KCNH8: variants seen among roughly 807,000 people sequenced by gnomAD.
KCNH8 encodes the protein voltage-gated delayed rectifier potassium channel KCNH8.
KCNH8 carries 70 observed loss-of-function variants against 103.6 expected under a neutral mutation model. The ratio of observed to expected loss-of-function variants is 0.68; its 90% confidence interval spans 0.56 to 0.82. KCNH8 has a LOEUF of 0.82. Ranked by LOEUF, KCNH8 falls within the 40% of genes least tolerant of loss-of-function variation. The pLI, the probability that KCNH8 is intolerant of heterozygous loss-of-function variation, is 0.00. For missense variants in KCNH8, 1,217 were observed against 1,329.9 expected, an observed-to-expected ratio of 0.92 and a Z score of 1.32; for synonymous variants, 498 against 489.4, an observed-to-expected ratio of 1.02 and a Z score of -0.23.
intron 11 of KCNH8, among the ~76,000 whole-genome samples, chr3:19,473,755 T>C (rs995808211): frequency 2.0e-5 from 3 of 152,224 alleles, no homozygotes; most frequent in East Asian, 1.9e-4. Flanking sequence ...GAGAACTTCT[T>C]GTATACACAC....
intron 11 of KCNH8, among the ~76,000 whole-genome samples, chr3:19,464,379 A>G (rs1036569422): frequency 1.1e-4 from 16 of 152,146 alleles, no homozygotes; most frequent in Non-Finnish European, 2.9e-5. Flanking sequence ...TGAGATACTT[A>G]AAACTCAATT....
intron 1 of KCNH8, among the ~76,000 whole-genome samples, chr3:19,170,006 T>G (rs2063325709): frequency 6.6e-6 from 1 of 152,224 alleles, no homozygotes; most frequent in African/African-American, 2.4e-5. Flanking sequence ...GAAGGAATCA[T>G]GTATGTTCCC....
intron 2 of KCNH8, among the ~76,000 whole-genome samples, chr3:19,257,957 A>G (rs1449512878): frequency 6.6e-6 from 1 of 151,994 alleles, no homozygotes; most frequent in Non-Finnish European, 1.5e-5. Flanking sequence ...CTTGGCCTGT[A>G]GAGTGTCACC....
chr3:19,195,116 A>G (rs775130676), intron 1 of KCNH8, among the ~76,000 whole-genome samples: 13 of 151,838 alleles, frequency 8.6e-5, no homozygotes, highest in Admixed American at 1.3e-4. Context: ...ACCCTCAGCT[A>G]TAGTATAGGA....
chr3:19,191,652 C>T (rs2063554509), intron 1 of KCNH8, among the ~76,000 whole-genome samples: 1 of 151,708 alleles, frequency 6.6e-6, no homozygotes, highest in Non-Finnish European at 1.5e-5. Context: ...CTAATCAATA[C>T]ACCTTTTAAC....
intron 11 of KCNH8, among the ~76,000 whole-genome samples, chr3:19,502,625 T>C (rs2068610311): frequency 6.6e-6 from 1 of 152,028 alleles, no homozygotes; most frequent in Admixed American, 6.6e-5. Context: ...TAACGCCACA[T>C]ATCTACAACT....
At chr3:19,151,335 G>A (rs986053957) in intron 1 of KCNH8, among the ~76,000 whole-genome samples, 1 of 152,056 alleles carries the variant, frequency 6.6e-6, no homozygotes, top group African/African-American at 2.4e-5. Flanking sequence ...TTGCTGGAAA[G>A]TGAATAATGT....
chr3:19,477,264 C>T (rs2067996025), intron 11 of KCNH8, among the ~76,000 whole-genome samples: 1 of 152,064 alleles, frequency 6.6e-6, no homozygotes, highest in Admixed American at 6.6e-5. Flanking sequence ...TGTAAAATAT[C>T]ATAATGCTCC....
At chr3:19,500,593 A>G (rs575761774) in intron 11 of KCNH8, among the ~76,000 whole-genome samples, 1 of 152,360 alleles carries the variant, frequency 6.6e-6, no homozygotes, top group Admixed American at 6.5e-5. Flanking sequence ...CTCAGACCAT[A>G]GTGCAATCAA....
chr3:19,496,480 C>T (rs543518232), intron 11 of KCNH8, among the ~76,000 whole-genome samples: 26 of 151,948 alleles, frequency 1.7e-4, no homozygotes, highest in Non-Finnish European at 3.4e-4. Flanking sequence ...GTTCTCTTTA[C>T]GTGATGAATC....
At chr3:19,196,119 A>G (rs1447524404) in intron 1 of KCNH8, among the ~76,000 whole-genome samples, 1 of 152,028 alleles carries the variant, frequency 6.6e-6, no homozygotes, top group Non-Finnish European at 1.5e-5. Context: ...GGCCAGGCTG[A>G]CATTTCTTTT....
rs2066148349 is a variant in KCNH8, at chr3:19,373,984, C to T, written c.812-16497C>T. 2.6e-5 allele frequency among the ~76,000 whole-genome samples: 4 copies of T among 152,182 alleles called. No individual in the cohort carries two copies. In the South Asian group the frequency reaches 6.2e-4, roughly 24 times the overall value. ...CTGTGGTCTGAGAGATAGTTTGTTA[C>T]AGTCTCTGTTCTTTTACATTTGCTG... On this transcript the variant is annotated intron_variant, in intron 5 of 15. Coordinates refer to ENST00000328405, the MANE Select transcript of KCNH8 (RefSeq NM_144633.3).
rs2067443065 is a variant in KCNH8, at chr3:19,451,245, AGCCGGGGCT to A, written c.1670_1678del (p.Arg557_Cys559del). The A allele has an allele frequency of 6.2e-7, 1 of 1,613,838 alleles. No homozygotes were observed. Among genetic ancestry groups the A allele is most frequent in the South Asian group, 1.1e-5 (1 of 91,090 alleles). The stretch of plus-strand genomic sequence containing the variant: ...ACAGTTGTCCCTTTTTGAATGTGCC[AGCCGGGGCT>A]GCCTCAGGTCTCTGTCTCTACACAT... On this transcript the variant is annotated inframe_deletion, in exon 10 of 16. Transcript: ENST00000328405.
Position 19,258,927 on chromosome 3 carries a change from CTCTCTCTCTCTCTCTCTCTCTA to C in KCNH8, c.310+5042_310+5063del, listed in dbSNP as rs1167375598. On this transcript the variant is annotated intron_variant, in intron 2 of 15. Transcript: ENST00000328405. ...TGTTTCTCTCTCTCTCTCTCTCTCT[CTCTCTCTCTCTCTCTCTCTCTA>C]TATATATATATATATATATATATAT... 2.8e-3 allele frequency among the ~76,000 whole-genome samples: 225 copies of C among 81,146 alleles called. 1 individual carries two copies. The highest frequency in any genetic ancestry group is 0.01 in the African/African-American group (208 of 20,398). 53.2% of individuals were successfully genotyped at this position (81,146 alleles called of 152,430 possible). A position where few individuals can be genotyped will look rare whatever the true frequency, so the allele number is the denominator to read the frequency against.
chr3:19,373,350 G>A (rs1210665254), intron 5 of KCNH8, among the ~76,000 whole-genome samples: 1 of 152,106 alleles, frequency 6.6e-6, no homozygotes, highest in East Asian at 1.9e-4. Flanking sequence ...GAGAGTGTAT[G>A]TGTCAAGGAA....
At chr3:19,197,508 T>C (rs2125214843) in intron 1 of KCNH8, among the ~76,000 whole-genome samples, 1 of 152,180 alleles carries the variant, frequency 6.6e-6, no homozygotes, top group African/African-American at 2.4e-5. Context: ...ACAGTTGTCT[T>C]TGGGGTATGT....
chr3:19,392,431 C>T (rs193043752), intron 6 of KCNH8, among the ~76,000 whole-genome samples: 4 of 151,614 alleles, frequency 2.6e-5, no homozygotes, highest in Non-Finnish European at 4.4e-5. Flanking sequence ...CACCTAAATT[C>T]GTTATCCCTC....
chr3:19,301,337 C>G (rs1219867662), intron 3 of KCNH8, among the ~76,000 whole-genome samples: 2 of 147,794 alleles, frequency 1.4e-5, no homozygotes, highest in Non-Finnish European at 3.0e-5. Context: ...AAAGAAAATA[C>G]AAATATATAT....
At position 19,506,984 on chromosome 3, in the gene KCNH8, T is replaced by C. The variant is rs562182662; in HGVS notation, c.2041-3379T>C. On this transcript the variant is annotated intron_variant, in intron 11 of 15. Transcript: ENST00000328405. Reference sequence around the variant, plus strand: ...CCCAGTCCGAGGGCAGCAAGAGCAGTACCACTCTGCAGTGGCCATGGGAGT... The same window carrying C: ...CCCAGTCCGAGGGCAGCAAGAGCAGCACCACTCTGCAGTGGCCATGGGAGT... Among the ~76,000 whole-genome samples the C allele has an allele frequency of 1.6e-4, 25 of 152,204 alleles. No individual in the cohort carries two copies. In the South Asian group the frequency reaches 3.9e-3, roughly 24 times the overall value.
Sources: gnomAD v4.1 joint callset for allele counts (sites outside exome capture counted in the v4.1 genomes callset) on GRCh38, gnomAD v4.1.1 for gene constraint, MANE v1.5 for transcripts, NCBI Gene and HGNC (gene_info 2026-07-23, HGNC 2026-07-21) for gene names.